The following DAB1 variants were observed in gnomAD, a reference collection of about 807,000 sequenced individuals.
DAB1 encodes the protein disabled homolog 1.
In DAB1, 15 loss-of-function variants were observed where a neutral mutation model predicts 64.6. The ratio of observed to expected loss-of-function variants is 0.23; its 90% confidence interval spans 0.16 to 0.36. The LOEUF is 0.36. DAB1 is among the 10% of genes least tolerant of loss of function. The pLI is 1.00. For missense variants in DAB1, 596 were observed against 706.7 expected, an observed-to-expected ratio of 0.84 and a Z score of 1.78; for synonymous variants, 235 against 251.9, an observed-to-expected ratio of 0.93 and a Z score of 0.64.
chr1:57,257,493 C>G (rs1669854146), intron 2 of DAB1, among the ~76,000 whole-genome samples: 1 of 152,208 alleles, frequency 6.6e-6, no homozygotes, highest in Non-Finnish European at 1.5e-5. Context: ...TATTATCCCA[C>G]TTTAAAGATG....
chr1:57,051,762 T>C (rs1028063681), intron 9 of DAB1, among the ~76,000 whole-genome samples: 5 of 152,162 alleles, frequency 3.3e-5, no homozygotes, highest in African/African-American at 1.2e-4. Flanking sequence ...GACTTAGACA[T>C]GTGCATGCCT....
At chr1:58,363,427 C>T (rs12133825) in intron 3 of DAB1, among the ~76,000 whole-genome samples, 8,486 of 152,222 alleles carry the variant, frequency 0.056, 328 homozygotes, top group Middle Eastern at 0.099. Flanking sequence ...GAAGCTGCAG[C>T]GAGGCAACTG....
intron 7 of DAB1, among the ~76,000 whole-genome samples, chr1:57,465,088 A>G (rs1199652676): frequency 6.6e-6 from 1 of 152,166 alleles, no homozygotes; most frequent in Non-Finnish European, 1.5e-5. Flanking sequence ...TTTTTAACAT[A>G]CAGATAGGCT....
intron 1 of DAB1, among the ~76,000 whole-genome samples, chr1:57,394,797 A>G (rs1243626672): frequency 1.3e-5 from 2 of 152,244 alleles, no homozygotes; most frequent in African/African-American, 2.4e-5. Flanking sequence ...TCCTAGAGAC[A>G]TAAAGCATGC....
chr1:58,529,479 A>G (rs148966090), intron 1 of DAB1, among the ~76,000 whole-genome samples: 192 of 152,360 alleles, frequency 1.3e-3, no homozygotes, highest in African/African-American at 4.4e-3. Context: ...TGAGATGATT[A>G]TTATACATAA....
intron 2 of DAB1, among the ~76,000 whole-genome samples, chr1:57,205,964 C>T (rs1460656494): frequency 6.6e-6 from 1 of 152,220 alleles, no homozygotes; most frequent in African/African-American, 2.4e-5. Flanking sequence ...CTCTCTCCAA[C>T]ACCAATTCAC....
At chr1:57,075,870 C>A (rs1045558787) in intron 4 of DAB1, among the ~76,000 whole-genome samples, 5 of 152,140 alleles carry the variant, frequency 3.3e-5, no homozygotes, top group African/African-American at 4.8e-5. Flanking sequence ...GCTCCCTCAA[C>A]CAACAACAAA....
At chr1:58,439,628 A>G (rs1644985558) in intron 3 of DAB1, among the ~76,000 whole-genome samples, 1 of 152,202 alleles carries the variant, frequency 6.6e-6, no homozygotes, top group South Asian at 2.1e-4. Flanking sequence ...CAATCCTGTG[A>G]GGAAAGTAGG....
intron 2 of DAB1, among the ~76,000 whole-genome samples, chr1:57,245,034 GA>G (rs938031738): frequency 4.0e-4 from 61 of 152,310 alleles, no homozygotes; most frequent in African/African-American, 1.4e-3. Flanking sequence ...AGAAGACAGG[GA>G]AATGTGGGAA....
chr1:57,317,745 G>T (rs958297771), intron 1 of DAB1, among the ~76,000 whole-genome samples: 1 of 152,152 alleles, frequency 6.6e-6, no homozygotes, highest in Middle Eastern at 3.2e-3. Flanking sequence ...ATGTTAGGAA[G>T]ATCTCCAGGT....
At chr1:57,455,693 C>A (rs1283036206) in intron 7 of DAB1, among the ~76,000 whole-genome samples, 3 of 152,072 alleles carry the variant, frequency 2.0e-5, no homozygotes, top group African/African-American at 7.2e-5. Flanking sequence ...CCGTAGCCAG[C>A]TAAATTGGGT....
intron 3 of DAB1, among the ~76,000 whole-genome samples, chr1:58,412,562 C>T (rs562823134): frequency 1.8e-4 from 27 of 152,312 alleles, no homozygotes; most frequent in Middle Eastern, 3.4e-3. Flanking sequence ...CTCAGGATTG[C>T]AGTAGCCAAA....
chr1:57,011,046 AT>A, intron 13 of DAB1, 98 bp downstream of exon 13: 2 of 1,477,410 alleles, frequency 1.4e-6, no homozygotes, highest in Non-Finnish European at 1.8e-6. Context: ...TTGAGCCAGC[AT>A]TCTTTTCTAT....
chr1:57,135,457 T>C (rs1327740979), intron 4 of DAB1, among the ~76,000 whole-genome samples: 1 of 152,220 alleles, frequency 6.6e-6, no homozygotes, highest in Non-Finnish European at 1.5e-5. Context: ...GAGAGCTCCA[T>C]AGAATTTCAC....
chr1:57,153,246 G>A (rs1254685070), intron 2 of DAB1, among the ~76,000 whole-genome samples: 2 of 152,214 alleles, frequency 1.3e-5, no homozygotes, highest in South Asian at 2.1e-4. Flanking sequence ...GGCTGGTCTC[G>A]AACTCTTGGC....
chr1:57,340,627 T>C (rs1677496039), intron 1 of DAB1, among the ~76,000 whole-genome samples: 1 of 151,528 alleles, frequency 6.6e-6, no homozygotes, highest in South Asian at 2.1e-4. Flanking sequence ...TATATCTGGC[T>C]AGCCCAGGTC....
At chr1:57,702,906 C>T (rs1297985485) in intron 6 of DAB1, among the ~76,000 whole-genome samples, 1 of 152,078 alleles carries the variant, frequency 6.6e-6, no homozygotes, top group Non-Finnish European at 1.5e-5. Context: ...ACTATCTGGT[C>T]TTCAAAAACC....
chr1:57,789,501 G>A (rs569412917), intron 6 of DAB1, among the ~76,000 whole-genome samples: 4 of 152,292 alleles, frequency 2.6e-5, no homozygotes, highest in Non-Finnish European at 5.9e-5. Flanking sequence ...TTGGGTTCTG[G>A]TGAGGACCCT....
chr1:57,511,156 G>C (rs1644400638), intron 7 of DAB1, among the ~76,000 whole-genome samples: 1 of 152,124 alleles, frequency 6.6e-6, no homozygotes, highest in African/African-American at 2.4e-5. Context: ...TAAAATCTAT[G>C]TTCTACACAG....
Sources: gnomAD v4.1 joint callset for allele counts (sites outside exome capture counted in the v4.1 genomes callset) on GRCh38, gnomAD v4.1.1 for gene constraint, MANE v1.5 for transcripts, NCBI Gene and HGNC (gene_info 2026-07-23, HGNC 2026-07-21) for gene names.